PARD3B: variants seen among roughly 807,000 people sequenced by gnomAD.
PARD3B encodes par-3 family cell polarity regulator beta, also known as partitioning defective 3 homolog B.
Under a neutral mutation model 130.2 loss-of-function variants are expected in PARD3B, and 103 were observed. That is an observed-to-expected ratio of 0.79 (90% CI 0.67 to 0.93). PARD3B has a LOEUF of 0.93. Among genes scored for constraint, PARD3B ranks in the 40% least tolerant of loss-of-function variants. The pLI is 0.00. For missense variants in PARD3B, 1,609 were observed against 1,499.2 expected, an observed-to-expected ratio of 1.07 and a Z score of -1.21; for synonymous variants, 583 against 553.2, an observed-to-expected ratio of 1.05 and a Z score of -0.76.
chr2:205,389,403 C>T (rs1309071050), intron 18 of PARD3B, among the ~76,000 whole-genome samples: 5 of 152,142 alleles, frequency 3.3e-5, no homozygotes, highest in Non-Finnish European at 7.4e-5. Context: ...GTTCTTGTCA[C>T]CCAGGCTGGA....
intron 22 of PARD3B, among the ~76,000 whole-genome samples, chr2:205,567,617 C>G (rs945886346): frequency 1.3e-5 from 2 of 151,580 alleles, no homozygotes; most frequent in Admixed American, 6.6e-5. Context: ...CCACCGCGCC[C>G]GGCCTGTACT....
chr2:205,411,588 A>G (rs1228240154), intron 19 of PARD3B, among the ~76,000 whole-genome samples: 1 of 152,138 alleles, frequency 6.6e-6, no homozygotes, highest in East Asian at 1.9e-4. Context: ...TGCTTTGGGA[A>G]TTAAAACCCC....
chr2:204,753,142 T>G (rs2040529933), intron 2 of PARD3B, among the ~76,000 whole-genome samples: 1 of 152,200 alleles, frequency 6.6e-6, no homozygotes, highest in Admixed American at 6.6e-5. Context: ...CATTGGCTTA[T>G]TTACCTGCTT....
intron 3 of PARD3B, among the ~76,000 whole-genome samples, chr2:205,007,736 C>G (rs935495205): frequency 2.0e-5 from 3 of 152,114 alleles, no homozygotes; most frequent in Admixed American, 1.3e-4. Flanking sequence ...ATGATGCTGG[C>G]ATTTTGATGG....
intron 2 of PARD3B, among the ~76,000 whole-genome samples, chr2:204,833,726 C>G (rs1454400097): frequency 6.6e-6 from 1 of 152,134 alleles, no homozygotes; most frequent in Admixed American, 6.5e-5. Context: ...TGGGGCCTCC[C>G]CAGCCACGTG....
At chr2:204,841,154 T>C (rs2044246860) in intron 2 of PARD3B, among the ~76,000 whole-genome samples, 2 of 152,192 alleles carry the variant, frequency 1.3e-5, no homozygotes, top group South Asian at 4.1e-4. Flanking sequence ...AGTTTTCTGC[T>C]TGCTTCTTCT....
chr2:205,042,287 A>C lies in PARD3B; in HGVS notation c.395-5294A>C, dbSNP rs1325295149. ...AATTAGAAGATGCACCATCATTCAT[A>C]GACACTTGGGAACTGACTTCACTTT... is the stretch of plus-strand genomic sequence containing the variant. On this transcript the variant is annotated intron_variant, in intron 3 of 22. Transcript: ENST00000406610. 2.0e-5 allele frequency among the ~76,000 whole-genome samples: 3 copies of C among 152,280 alleles called. No homozygotes were observed. The East Asian group carries it at 5.8e-4, about 29-fold the overall frequency.
At chr2:205,349,551 A>G (rs900173399) in intron 18 of PARD3B, among the ~76,000 whole-genome samples, 1 of 152,222 alleles carries the variant, frequency 6.6e-6, no homozygotes, top group African/African-American at 2.4e-5. Flanking sequence ...AGGGTTTCTT[A>G]AACTAAATTT....
At chr2:205,444,334 G>A (rs1169479224) in intron 20 of PARD3B, among the ~76,000 whole-genome samples, 1 of 152,018 alleles carries the variant, frequency 6.6e-6, no homozygotes, top group Non-Finnish European at 1.5e-5. Flanking sequence ...TGCACCTGTA[G>A]TCCAACCTAC....
At chr2:204,854,617 C>G (rs1468354919) in intron 2 of PARD3B, among the ~76,000 whole-genome samples, 1 of 152,178 alleles carries the variant, frequency 6.6e-6, no homozygotes, top group East Asian at 1.9e-4. Context: ...ACACACCATG[C>G]TGAGCACATA....
At chr2:204,891,606 A>T (rs2046449118) in intron 2 of PARD3B, among the ~76,000 whole-genome samples, 2 of 152,166 alleles carry the variant, frequency 1.3e-5, no homozygotes, top group African/African-American at 4.8e-5. Flanking sequence ...TTATTAAGAG[A>T]TGCTTGCAAT....
At chr2:204,946,655 C>G (rs1313112071) in intron 2 of PARD3B, among the ~76,000 whole-genome samples, 2 of 152,168 alleles carry the variant, frequency 1.3e-5, no homozygotes, top group Non-Finnish European at 2.9e-5. Flanking sequence ...GAAACTGAAC[C>G]ACTAGGCTTG....
intron 15 of PARD3B, among the ~76,000 whole-genome samples, chr2:205,222,227 A>G (rs1378909935): frequency 6.6e-6 from 1 of 152,168 alleles, no homozygotes. Flanking sequence ...GGTTGGTATG[A>G]AATTCTACTT....
intron 15 of PARD3B, among the ~76,000 whole-genome samples, chr2:205,216,985 G>T (rs113485554): frequency 2.0e-5 from 3 of 151,816 alleles, no homozygotes; most frequent in African/African-American, 7.2e-5. Flanking sequence ...GTGTACAGAT[G>T]GCTTCTATGT....
chr2:205,505,664 A>G (rs969528066), intron 21 of PARD3B, among the ~76,000 whole-genome samples: 3 of 152,188 alleles, frequency 2.0e-5, no homozygotes, highest in African/African-American at 7.2e-5. Flanking sequence ...ATCTGCTGGT[A>G]TTTTATTTTT....
chr2:205,433,954 C>G (rs2047424530), intron 19 of PARD3B, among the ~76,000 whole-genome samples: 1 of 152,192 alleles, frequency 6.6e-6, no homozygotes, highest in African/African-American at 2.4e-5. Flanking sequence ...ATGAATAAAG[C>G]TGCTACTGAA....
At chr2:205,362,758 G>A (rs2044438594) in intron 18 of PARD3B, among the ~76,000 whole-genome samples, 1 of 152,174 alleles carries the variant, frequency 6.6e-6, no homozygotes, top group Non-Finnish European at 1.5e-5. Context: ...TTTTGGCAAT[G>A]AGAAAATGAA....
At chr2:204,962,132 CAGG>C (rs1458002073) in intron 2 of PARD3B, among the ~76,000 whole-genome samples, 1 of 152,062 alleles carries the variant, frequency 6.6e-6, no homozygotes, top group Non-Finnish European at 1.5e-5. Flanking sequence ...CTTGTGGGAA[CAGG>C]AGTTTTGACT....
chr2:205,557,190 G>A (rs1328524949), intron 22 of PARD3B, among the ~76,000 whole-genome samples: 1 of 152,134 alleles, frequency 6.6e-6, no homozygotes, highest in Non-Finnish European at 1.5e-5. Flanking sequence ...AAAGGTTGCT[G>A]GAGAGACTCG....
Sources: allele counts gnomAD v4.1 joint callset (sites outside exome capture counted in the v4.1 genomes callset), GRCh38; gene constraint gnomAD v4.1.1; transcripts MANE v1.5; gene names NCBI Gene and HGNC (gene_info 2026-07-23, HGNC 2026-07-21).